Variants in ABL2 observed in about 807,000 individuals in gnomAD.
The protein encoded by ABL2 is tyrosine-protein kinase ABL2.
ABL2 carries 49 observed loss-of-function variants against 107.7 expected under a neutral mutation model. The ratio of observed to expected loss-of-function variants is 0.45; its 90% CI spans 0.36 to 0.58. ABL2 has a LOEUF of 0.58. ABL2 is among the 20% of genes least tolerant of loss of function. The probability of loss-of-function intolerance (pLI) is 0.00; values close to 1 mark genes in which losing one functional copy is unlikely to be tolerated. For missense variants in ABL2, 1,245 were observed against 1,457.0 expected (o/e 0.85, Z 2.37); for synonymous variants, 549 against 548.6 (o/e 1.00, Z -0.01).
intron 1 of ABL2, among the ~76,000 whole-genome samples, chr1:179,134,236 A>C (rs1656623315): frequency 1.3e-5 from 2 of 152,222 alleles, no homozygotes; most frequent in African/African-American, 4.8e-5. Flanking sequence ...TTTTAAAATC[A>C]CATTAAACAG....
At chr1:179,119,969 A>G (rs1655024463) in intron 6 of ABL2, among the ~76,000 whole-genome samples, 1 of 152,108 alleles carries the variant, frequency 6.6e-6, no homozygotes, top group African/African-American at 2.4e-5. Context: ...CTAAAAAGAA[A>G]GGTTTGGGGG....
Position 179,229,622 on chromosome 1 carries a change from C to T in ABL2, c.-225G>A. On this transcript the variant is annotated 5_prime_UTR_variant, in exon 1 of 12. Coordinates refer to ENST00000502732, the MANE Select transcript of ABL2 (RefSeq NM_007314.4). ...CTTTTCCCTCCTCCTGTCGCGGCTC[C>T]GCGCCCCCAACGCCGCCGCCGCCGC... 1 of 521,326 alleles carries T rather than the reference C, an allele frequency of 1.9e-6. No homozygotes were observed. The highest frequency in any genetic ancestry group is 5.0e-4 in the Middle Eastern group (1 of 2,012). 32.3% of individuals were successfully genotyped at this position (521,326 alleles called of 1,614,324 possible). A position where few individuals can be genotyped will look rare whatever the true frequency, so the allele number is the denominator to read the frequency against.
In ABL2 at chr1:179,192,498, C is replaced by T. The variant is rs28914470; in HGVS notation, c.157+36743G>A. ...GACAAATAAATATCCTTGTTCTTGTCCCACACTGCCTGAATTTCCATTTTC... is the reference window on the plus strand; with the variant it reads ...GACAAATAAATATCCTTGTTCTTGTTCCACACTGCCTGAATTTCCATTTTC... On this transcript the variant is annotated intron_variant, in intron 1 of 11. Coordinates refer to ENST00000502732, the MANE Select transcript of ABL2 (RefSeq NM_007314.4). 3.9e-5 allele frequency among the ~76,000 whole-genome samples: 6 copies of T among 152,272 alleles called. No homozygotes were observed. The South Asian group carries it at 6.2e-4, about 16-fold the overall frequency.
chr1:179,105,084 C>T lies in ABL2; in HGVS notation c.*2634G>A, dbSNP rs1653382403. On this transcript the variant is annotated 3_prime_UTR_variant, in exon 12 of 12. Transcript: ENST00000502732. Reference sequence around the variant, plus strand: ...AGCATCATGTGGACGGGGTATGCTCCAATAGTCAATGCCACTCTTGACAGT... The same window carrying T: ...AGCATCATGTGGACGGGGTATGCTCTAATAGTCAATGCCACTCTTGACAGT... 4.3e-6 allele frequency: 1 copy of T among 230,364 alleles called. No individual in the cohort carries two copies. Among genetic ancestry groups the T allele is most frequent in the Non-Finnish European group, 8.6e-6 (1 of 116,308 alleles). The allele number at this position is 230,364 out of a possible 1,614,324, so 14.3% of individuals were successfully genotyped here.
At chr1:179,165,394 C>A (rs1202874830) in intron 1 of ABL2, among the ~76,000 whole-genome samples, 1 of 151,654 alleles carries the variant, frequency 6.6e-6, no homozygotes, top group Admixed American at 6.6e-5. Context: ...TAGAGGGTGA[C>A]TGATGACAAC....
At position 179,126,205 on chromosome 1, in the gene ABL2, T is replaced by C. The variant is rs1212090736; in HGVS notation, c.687+172A>G. 2.6e-5 allele frequency among the ~76,000 whole-genome samples: 4 copies of C among 152,194 alleles called. No homozygotes were observed. Among genetic ancestry groups the C allele is most frequent in the Admixed American group, 6.5e-5 (1 of 15,272 alleles). ...CTGTTTTTAAAAATTTCTATTACCATATCCTTTTCAAGAGTACAAGCTCTA... is the reference window on the plus strand; with the variant it reads ...CTGTTTTTAAAAATTTCTATTACCACATCCTTTTCAAGAGTACAAGCTCTA... On this transcript the variant is annotated intron_variant, in intron 4 of 11. Coordinates refer to ENST00000502732, the MANE Select transcript of ABL2 (RefSeq NM_007314.4). The surrounding 1 kb of genome is among the most constrained non-coding windows in gnomAD (Gnocchi z 4.4).
intron 1 of ABL2, among the ~76,000 whole-genome samples, chr1:179,213,285 T>C (rs189413614): frequency 4.3e-4 from 65 of 152,220 alleles, no homozygotes; most frequent in African/African-American, 1.5e-3. Flanking sequence ...AATTAGCTTA[T>C]TTGTATTTAT....
intron 6 of ABL2, 23 bp from the exon 7 acceptor site, chr1:179,118,787 T>C (rs370666984): frequency 1.9e-6 from 3 of 1,610,552 alleles, no homozygotes; most frequent in Non-Finnish European, 2.5e-6. Flanking sequence ...CAATAGTGCT[T>C]GTTTTTATTA....
At chr1:179,140,724 A>T (rs1453715917) in intron 1 of ABL2, among the ~76,000 whole-genome samples, 1 of 152,248 alleles carries the variant, frequency 6.6e-6, no homozygotes, top group South Asian at 2.1e-4. Flanking sequence ...ACTTAAAATT[A>T]GATAAACATT....
intron 2 of ABL2, 32 bp downstream of exon 2, chr1:179,133,280 G>C: frequency 6.2e-7 from 1 of 1,613,860 alleles, no homozygotes; most frequent in Non-Finnish European, 8.5e-7. Context: ...CAATGCCTTA[G>C]TTCAAATCTG....
At position 179,107,560 on chromosome 1, in the gene ABL2, A is replaced by G; in HGVS notation, c.*158T>C. ...ATGTGGTTTGCTTCTTATTTTTGAG[A>G]TGAAACTGTAAACGTGAGAACTCAG... On this transcript the variant is annotated 3_prime_UTR_variant, in exon 12 of 12. Coordinates refer to ENST00000502732, the MANE Select transcript of ABL2 (RefSeq NM_007314.4). 1 of 1,396,900 alleles carries G rather than the reference A, an allele frequency of 7.2e-7. No individual in the cohort carries two copies. Among genetic ancestry groups the G allele is most frequent in the South Asian group, 1.5e-5 (1 of 65,356 alleles). 86.5% of individuals were successfully genotyped at this position (1,396,900 alleles called of 1,614,324 possible). A position where few individuals can be genotyped will look rare whatever the true frequency, so the allele number is the denominator to read the frequency against.
At chr1:179,201,855 C>G (rs1305962084) in intron 1 of ABL2, 1 of 1,326,300 alleles carries the variant, frequency 7.5e-7, no homozygotes. Flanking sequence ...CAAAAGGACT[C>G]TTTGAGACAT....
At chr1:179,185,626 C>T (rs1345612882) in intron 1 of ABL2, among the ~76,000 whole-genome samples, 4 of 151,914 alleles carry the variant, frequency 2.6e-5, no homozygotes, top group African/African-American at 9.7e-5. Flanking sequence ...TGTGGTATGC[C>T]ATATTACATT....
intron 1 of ABL2, among the ~76,000 whole-genome samples, chr1:179,217,553 T>C (rs983416152): frequency 8.1e-5 from 11 of 136,464 alleles, no homozygotes; most frequent in African/African-American, 3.1e-4. Context: ...TTGAACCCAG[T>C]GGGTGGAGGT....
intron 8 of ABL2, 35 bp from the exon 9 acceptor site, chr1:179,115,065 C>A: frequency 1.3e-6 from 2 of 1,545,048 alleles, no homozygotes; most frequent in South Asian, 1.3e-5. Context: ...CTTAGTGTTT[C>A]TTCTCCGATT....
At chr1:179,110,197 G>GA in intron 11 of ABL2, 85 bp downstream of exon 11, 1 of 1,505,436 alleles carries the variant, frequency 6.6e-7, no homozygotes, top group South Asian at 1.2e-5. Context: ...GGACGGGCAT[G>GA]AAAGTGGACA....
intron 1 of ABL2, among the ~76,000 whole-genome samples, chr1:179,227,124 C>T (rs1386304914): frequency 6.6e-6 from 1 of 152,170 alleles, no homozygotes; most frequent in East Asian, 1.9e-4. Flanking sequence ...TTTTCCATAA[C>T]CCAGTCCCAT....
rs1325475480 is a variant in ABL2 at position 179,110,379 on chromosome 1, A to G, written c.1728T>C (p.Pro576=). ...VPYLPRLPIL[P]SKTRTLKKQV... ...GTTTCTTCAGTGTCCGAGTCTTGGA[A>G]GGAAGTATAGGTAGCCGGGGCAGGT... is the stretch of plus-strand genomic sequence containing the variant. Residue 576 remains proline, a synonymous_variant, in exon 11 of 12, where the codon CCT becomes CCC. Coordinates refer to ENST00000502732, the MANE Select transcript of ABL2 (RefSeq NM_007314.4). 1 of 1,614,206 alleles carries G rather than the reference A, an allele frequency of 6.2e-7. No individual in the cohort carries two copies. The highest frequency in any genetic ancestry group is 2.2e-5 in the East Asian group (1 of 44,880).
intron 1 of ABL2, among the ~76,000 whole-genome samples, chr1:179,193,860 T>A (rs1395579360): frequency 6.6e-6 from 1 of 152,164 alleles, no homozygotes; most frequent in African/African-American, 2.4e-5. Flanking sequence ...GCCTTCTGAG[T>A]AGCTGGGACT....
Sources: gnomAD v4.1 joint callset for allele counts (sites outside exome capture counted in the v4.1 genomes callset) on GRCh38, gnomAD v4.1.1 for gene constraint, Gnocchi (gnomAD v3.1) non-coding constraint, MANE v1.5 for transcripts, NCBI Gene and HGNC (gene_info 2026-07-23, HGNC 2026-07-21) for gene names.